Variants in XPNPEP2 observed in about 807,000 individuals in gnomAD.
XPNPEP2 encodes X-prolyl aminopeptidase 2, also known as xaa-Pro aminopeptidase 2.
In XPNPEP2, 64 loss-of-function variants were observed where a neutral mutation model predicts 59.8. That is an observed-to-expected ratio of 1.07 (90% CI 0.87 to 1.32). The LOEUF (loss-of-function observed/expected upper bound fraction) is 1.32, where lower values mean the gene tolerates loss of function less well. Among genes scored for constraint, XPNPEP2 ranks in the 40% most tolerant of loss-of-function variants. The pLI, the probability that XPNPEP2 is intolerant of heterozygous loss-of-function variation, is 0.00. For synonymous variants in XPNPEP2, 235 were observed against 210.0 expected (o/e 1.12, Z -1.03); for missense variants, 575 against 546.8 (o/e 1.05, Z -0.51).
At chrX:129,742,086 G>A (rs1926195124) in intron 1 of XPNPEP2, 22 bp from the exon 2 acceptor site, 1 of 1,202,825 alleles carries the variant, frequency 8.3e-7, no homozygotes, top group Admixed American at 2.2e-5. Flanking sequence ...AAATGACCCT[G>A]GATTTTTCTC....
At chrX:129,751,599 GAA>G (rs1926414498) in intron 8 of XPNPEP2, 144 bp from the exon 9 acceptor site, 1 of 148,242 alleles carries the variant, frequency 6.7e-6, no homozygotes, top group African/African-American at 7.2e-5. Context: ...AGAAAGAAAG[GAA>G]GGAAGGAAGG....
intron 14 of XPNPEP2, among the ~76,000 whole-genome samples, chrX:129,758,305 G>T (rs924334897): frequency 1.8e-5 from 2 of 111,523 alleles, no homozygotes; most frequent in African/African-American, 6.5e-5. Flanking sequence ...ATTTGTGGGG[G>T]CGTTGCTGGA....
At chrX:129,739,352 C>A in intron 1 of XPNPEP2, 90 bp downstream of exon 1, 1 of 970,675 alleles carries the variant, frequency 1.0e-6, no homozygotes, top group Non-Finnish European at 1.4e-6. Context: ...GGGCCCGAGT[C>A]TCTTTTTCTG....
At position 129,760,020 on chromosome X, in the gene XPNPEP2, T is replaced by G. The variant is rs185393736; in HGVS notation, c.1429-492T>G. ...TCAGCAGCCGTCACAACCACAGGAA[T>G]GAGTGTGCTAAACTTCCGTGAAGCA... On this transcript the variant is annotated intron_variant, in intron 15 of 20. Coordinates refer to ENST00000371106, the MANE Select transcript of XPNPEP2 (RefSeq NM_003399.6). Among the ~76,000 whole-genome samples, 33 of 112,371 alleles carry G rather than the reference T, an allele frequency of 2.9e-4. No homozygotes were observed. The Admixed American group carries it at 3.0e-3, about 10-fold the overall frequency.
intron 11 of XPNPEP2, among the ~76,000 whole-genome samples, chrX:129,754,040 T>C (rs764421123): frequency 8.9e-6 from 1 of 112,299 alleles, no homozygotes; most frequent in African/African-American, 3.2e-5. Context: ...TTGTTAAAAT[T>C]AAGATAAACC....
At chrX:129,766,794 G>A (rs1926758738) in intron 19 of XPNPEP2, among the ~76,000 whole-genome samples, 1 of 112,271 alleles carries the variant, frequency 8.9e-6, no homozygotes, top group Non-Finnish European at 1.9e-5. Flanking sequence ...TTGGCTCACA[G>A]TTCCCACATG....
chrX:129,767,597 TCCCAGTA>T lies in XPNPEP2; in HGVS notation c.1741_1747del (p.Tyr581GlyfsTer4). The stretch of plus-strand genomic sequence containing the variant: ...TGCTTACCCGGCTTCTATTCTGGGC[TCCCAGTA>T]CCCAGGGAGCTACCTGACCTTTGAA... On this transcript the variant is annotated splice_acceptor_variant and splice_polypyrimidine_tract_variant and coding_sequence_variant and intron_variant, in exon 20 of 21. Transcript: ENST00000371106. LOFTEE classifies it high-confidence loss of function. 2 of 1,211,022 alleles carry T rather than the reference TCCCAGTA, an allele frequency of 1.7e-6. No homozygotes were observed. The highest frequency in any genetic ancestry group is 2.2e-6 in the Non-Finnish European group (2 of 894,802).
chrX:129,742,098 C>G lies in XPNPEP2; in HGVS notation c.50-10C>G. 1 of 1,207,933 alleles carries G rather than the reference C, an allele frequency of 8.3e-7. No homozygotes were observed. The highest frequency in any genetic ancestry group is 1.1e-6 in the Non-Finnish European group (1 of 892,775). ...CCCAAATGACCCTGGATTTTTCTCCCGGCTTCTAGCTTGTGCCTGGGGCCA... is the reference window on the plus strand; with the variant it reads ...CCCAAATGACCCTGGATTTTTCTCCGGGCTTCTAGCTTGTGCCTGGGGCCA... On this transcript the variant is annotated splice_polypyrimidine_tract_variant and intron_variant, in intron 1 of 20. Transcript: ENST00000371106.
chrX:129,741,908 C>T (rs1310515439), intron 1 of XPNPEP2, among the ~76,000 whole-genome samples, 200 bp from the exon 2 acceptor site: 1 of 112,398 alleles, frequency 8.9e-6, no homozygotes, highest in East Asian at 2.8e-4. Flanking sequence ...AAACAGATTT[C>T]TTTGATTGTG....
chrX:129,749,248 G>T (rs1258255936), intron 7 of XPNPEP2, among the ~76,000 whole-genome samples: 1 of 111,753 alleles, frequency 8.9e-6, no homozygotes, highest in African/African-American at 3.3e-5. Context: ...GGGGAGGGGG[G>T]ATAGGGAGTG....
At chrX:129,747,858 T>A in intron 7 of XPNPEP2, 105 bp downstream of exon 7, 1 of 1,119,681 alleles carries the variant, frequency 8.9e-7, no homozygotes, top group South Asian at 1.8e-5. Flanking sequence ...AAGCAGTGGT[T>A]TGCAAACCTT....
intron 15 of XPNPEP2, among the ~76,000 whole-genome samples, chrX:129,759,965 C>T (rs1307456621): frequency 8.9e-6 from 1 of 112,010 alleles, no homozygotes; most frequent in Non-Finnish European, 1.9e-5. Context: ...GTCAGCAAAC[C>T]TCAACCCTCA....
rs1417608666 is a variant in XPNPEP2 at position 129,768,717 on chromosome X, T to C, written c.*232T>C. 1.0e-5 allele frequency: 3 copies of C among 298,267 alleles called. No homozygotes were observed. The highest frequency in any genetic ancestry group is 1.7e-5 in the Non-Finnish European group (3 of 172,098). The allele number at this position is 298,267 out of a possible 1,213,427, so 24.6% of individuals were successfully genotyped here. On this transcript the variant is annotated 3_prime_UTR_variant, in exon 21 of 21. Coordinates refer to ENST00000371106, the MANE Select transcript of XPNPEP2 (RefSeq NM_003399.6). ...CACCCCGGGGTTGTATACCACACCC[T>C]GGGCCCCTAATCCCAGGCCCCGAGA... is the stretch of plus-strand genomic sequence containing the variant.
chrX:129,747,859 T>C, intron 7 of XPNPEP2, 106 bp downstream of exon 7: 1 of 1,128,065 alleles, frequency 8.9e-7, no homozygotes, highest in Middle Eastern at 2.4e-4. Flanking sequence ...AGCAGTGGTT[T>C]GCAAACCTTA....
Position 129,761,170 on chromosome X carries a change from AG to A in XPNPEP2, c.1500del. On this transcript the variant is annotated splice_acceptor_variant, in intron 16 of 20. Transcript: ENST00000371106. LOFTEE classifies it high-confidence loss of function. Reference sequence around the variant, plus strand: ...CTGGGGTCAATCTCTCTTCCCTTCCAGGGCGAATGGTGGAGGCCTTTGCCCG... The same window carrying A: ...CTGGGGTCAATCTCTCTTCCCTTCCAGGCGAATGGTGGAGGCCTTTGCCCG... The A allele has an allele frequency of 8.3e-7, 1 of 1,210,568 alleles. No individual in the cohort carries two copies. The highest frequency in any genetic ancestry group is 1.1e-6 in the Non-Finnish European group (1 of 894,429).
At chrX:129,756,436 C>T (rs1297792957) in intron 13 of XPNPEP2, 48 bp from the exon 14 acceptor site, 1 of 1,182,987 alleles carries the variant, frequency 8.5e-7, no homozygotes, top group Admixed American at 2.2e-5. Flanking sequence ...CCCACGTGAC[C>T]CAGTGCAGGG....
rs368485370 is a variant in XPNPEP2, at chrX:129,768,386, A to G, written c.1926A>G (p.Gln642=). The change falls in exon 21 of 21, where the codon CAA becomes CAG. Residue 642 remains glutamine (Q), a synonymous_variant. Coordinates refer to ENST00000371106, the MANE Select transcript of XPNPEP2 (RefSeq NM_003399.6). ...RQLLEEFEWL[Q]QHTEPLAARA... ...TACTAGAGGAGTTCGAGTGGCTTCAACAGCACACAGAGCCCCTGGCCGCCA... is the reference window on the plus strand; with the variant it reads ...TACTAGAGGAGTTCGAGTGGCTTCAGCAGCACACAGAGCCCCTGGCCGCCA... 1 of 1,207,752 alleles carries G rather than the reference A, an allele frequency of 8.3e-7. No homozygotes were observed. The highest frequency in any genetic ancestry group is 1.8e-5 in the African/African-American group (1 of 56,806).
intron 2 of XPNPEP2, 52 bp downstream of exon 2, chrX:129,742,233 CCACCCCTGCCCCACG>C (rs1926203970): frequency 7.3e-6 from 5 of 683,531 alleles, no homozygotes; most frequent in South Asian, 2.6e-5. Flanking sequence ...ACGCACCCCC[CCACCCCTGCCCCACG>C]CACCCCTGCA....
intron 15 of XPNPEP2, among the ~76,000 whole-genome samples, chrX:129,759,441 C>T (rs2076205): frequency 0.23 from 25,851 of 112,222 alleles, 2,174 homozygotes; most frequent in East Asian, 0.29. Context: ...AAGGCCTCAG[C>T]CCAAGCTGAG....
Sources: allele counts gnomAD v4.1 joint callset (sites outside exome capture counted in the v4.1 genomes callset), GRCh38; gene constraint gnomAD v4.1.1; transcripts MANE v1.5; gene names NCBI Gene and HGNC (gene_info 2026-07-23, HGNC 2026-07-21).